The following CALN1 variants were observed in gnomAD, a reference collection of about 807,000 sequenced individuals.
CALN1 encodes the protein calneuron 1, also known as calcium-binding protein 8.
CALN1 carries 17 observed loss-of-function variants against 30.6 expected under a neutral mutation model. The observed-to-expected ratio is 0.56, with a 90% CI of 0.38 to 0.83. The LOEUF (loss-of-function observed/expected upper bound fraction) is 0.83. Among genes scored for constraint, CALN1 ranks in the 40% least tolerant of loss-of-function variants. The pLI is 0.00. For missense variants in CALN1, 291 were observed against 354.9 expected (o/e 0.82, Z 1.45); for synonymous variants, 156 against 131.4 (o/e 1.19, Z -1.28).
chr7:72,237,483 G>C (rs948214267), intron 3 of CALN1, among the ~76,000 whole-genome samples: 1 of 152,200 alleles, frequency 6.6e-6, no homozygotes, highest in Non-Finnish European at 1.5e-5. Flanking sequence ...ACTGAGCAGA[G>C]GACTAGAGAG....
chr7:72,458,265 T>A, the CALN1 span, among the ~76,000 whole-genome samples: 2 of 79,104 alleles, frequency 2.5e-5, no homozygotes, highest in Non-Finnish European at 4.4e-5. Flanking sequence ...TATAATATAT[T>A]CTATATTATA....
At chr7:72,179,353 T>A (rs1789590913) in intron 3 of CALN1, among the ~76,000 whole-genome samples, 1 of 152,224 alleles carries the variant, frequency 6.6e-6, no homozygotes, top group South Asian at 2.1e-4. Context: ...TGTTCCCATC[T>A]TGACTTAGAG....
intron 5 of CALN1, among the ~76,000 whole-genome samples, chr7:71,820,710 C>A (rs1788537755): frequency 2.0e-5 from 3 of 152,176 alleles, no homozygotes; most frequent in South Asian, 4.1e-4. Flanking sequence ...TTGGTTTTAT[C>A]TGTTGAGTAT....
chr7:72,059,827 G>A (rs1803524012), intron 4 of CALN1, among the ~76,000 whole-genome samples: 1 of 152,060 alleles, frequency 6.6e-6, no homozygotes, highest in African/African-American at 2.4e-5. Context: ...TTTCTGAGAG[G>A]TTCTGATGAT....
chr7:72,224,370 T>C lies in CALN1; in HGVS notation c.244+54316A>G, dbSNP rs373259342. 8.5e-5 allele frequency among the ~76,000 whole-genome samples: 13 copies of C among 152,048 alleles called. No individual in the cohort carries two copies. The East Asian group carries it at 2.3e-3, about 27-fold the overall frequency. On this transcript the variant is annotated intron_variant, in intron 3 of 6. Transcript: ENST00000395275. ...TTCCTAAGTCATATGGAAGGCAAAA[T>C]TTTTTTTGGATGGATATCACAGGGT...
chr7:72,404,836 T>A (rs577209196), intron 1 of CALN1, among the ~76,000 whole-genome samples: 97 of 152,284 alleles, frequency 6.4e-4, no homozygotes, highest in African/African-American at 2.1e-3. Flanking sequence ...TTGTTGTAAA[T>A]CTGCACGCAC....
intron 2 of CALN1, among the ~76,000 whole-genome samples, chr7:72,317,103 G>A (rs1166395871): frequency 7.4e-5 from 3 of 40,358 alleles, no homozygotes; most frequent in African/African-American, 4.4e-4. Flanking sequence ...AGGGAGGGAG[G>A]AAGGGAGGGA....
intron 1 of CALN1, among the ~76,000 whole-genome samples, chr7:72,425,968 C>T (rs1436927714): frequency 2.0e-5 from 3 of 152,186 alleles, no homozygotes; most frequent in Admixed American, 6.5e-5. Context: ...CATAAGGAAC[C>T]ACAGCTAAGA....
chr7:71,830,051 T>C (rs1789173232), intron 5 of CALN1, among the ~76,000 whole-genome samples: 1 of 149,052 alleles, frequency 6.7e-6, no homozygotes, highest in Non-Finnish European at 1.5e-5. Context: ...TTTTTTTTGT[T>C]CTTTTTTGGA....
intron 4 of CALN1, among the ~76,000 whole-genome samples, chr7:72,092,901 T>C (rs1464338948): frequency 2.0e-5 from 3 of 152,176 alleles, no homozygotes; most frequent in Non-Finnish European, 4.4e-5. Flanking sequence ...AGTCTCTTTC[T>C]GCCACAACTC....
At chr7:71,962,257 G>T (rs918062989) in intron 5 of CALN1, among the ~76,000 whole-genome samples, 1 of 151,286 alleles carries the variant, frequency 6.6e-6, no homozygotes. Flanking sequence ...TAAAAAATCA[G>T]TCATGCCTGG....
intron 5 of CALN1, among the ~76,000 whole-genome samples, chr7:71,912,651 T>C (rs781485925): frequency 6.6e-6 from 1 of 152,092 alleles, no homozygotes; most frequent in Non-Finnish European, 1.5e-5. Context: ...AACTTGGCAG[T>C]AGAGAGCGAA....
chr7:72,119,326 A>C (rs968233962), intron 3 of CALN1, among the ~76,000 whole-genome samples: 1 of 150,598 alleles, frequency 6.6e-6, no homozygotes, highest in African/African-American at 2.4e-5. Flanking sequence ...ATGCAGGGAA[A>C]CTCTCCATTT....
chr7:72,439,112 C>A (rs1808266801), intron 1 of CALN1, among the ~76,000 whole-genome samples: 1 of 152,180 alleles, frequency 6.6e-6, no homozygotes, highest in Non-Finnish European at 1.5e-5. Flanking sequence ...TTATAGCTCA[C>A]TGCAGCCTCC....
At chr7:72,475,234 C>T in the CALN1 span, among the ~76,000 whole-genome samples, 3 of 152,022 alleles carry the variant, frequency 2.0e-5, no homozygotes, top group Non-Finnish European at 2.9e-5. Context: ...GAGGTCGAGG[C>T]GGGTGGATAT....
chr7:71,905,321 G>A (rs959913218), intron 5 of CALN1, among the ~76,000 whole-genome samples: 2 of 150,914 alleles, frequency 1.3e-5, no homozygotes, highest in South Asian at 4.2e-4. Flanking sequence ...TTATACAGTG[G>A]TGAATTCTGA....
intron 1 of CALN1, among the ~76,000 whole-genome samples, chr7:72,423,816 C>T (rs1186777499): frequency 1.2e-5 from 1 of 84,904 alleles, no homozygotes; most frequent in East Asian, 3.6e-4. Flanking sequence ...GACCTTGTCT[C>T]AAAAAAAAAA....
intron 1 of CALN1, among the ~76,000 whole-genome samples, chr7:72,438,096 C>T (rs1808232431): frequency 6.6e-6 from 1 of 152,028 alleles, no homozygotes; most frequent in Non-Finnish European, 1.5e-5. Flanking sequence ...ACCTCAGCCT[C>T]CCAAGCAGCT....
intron 2 of CALN1, among the ~76,000 whole-genome samples, chr7:72,379,345 A>G (rs765474509): frequency 1.3e-5 from 2 of 152,246 alleles, no homozygotes; most frequent in African/African-American, 4.8e-5. Flanking sequence ...AGGATACATT[A>G]AAGGGTTAAA....
Sources: allele counts gnomAD v4.1 joint callset (sites outside exome capture counted in the v4.1 genomes callset), GRCh38; gene constraint gnomAD v4.1.1; transcripts MANE v1.5; gene names NCBI Gene and HGNC (gene_info 2026-07-23, HGNC 2026-07-21).